Variants in CCDC73 observed in about 807,000 individuals in gnomAD.
The protein encoded by CCDC73 is coiled-coil domain containing 73, also known as coiled-coil domain-containing protein 73.
In CCDC73, 95 loss-of-function variants were observed where a neutral mutation model predicts 116.5. That is an observed-to-expected ratio of 0.82 (90% CI 0.69 to 0.97). CCDC73 has a LOEUF of 0.97. Among genes scored for constraint, CCDC73 ranks in the 50% least tolerant of loss-of-function variants. The pLI is 0.00. For missense variants in CCDC73, 1,066 were observed against 1,206.8 expected (o/e 0.88, Z 1.73); for synonymous variants, 398 against 401.3 (o/e 0.99, Z 0.10).
At chr11:32,676,862 T>A (rs1182409649) in intron 7 of CCDC73, among the ~76,000 whole-genome samples, 1 of 152,210 alleles carries the variant, frequency 6.6e-6, no homozygotes, top group Admixed American at 6.5e-5. Flanking sequence ...ATAGTCTACT[T>A]AAACTGGAGA....
At chr11:32,809,628 A>C in the CCDC73 span, among the ~76,000 whole-genome samples, 1 of 152,210 alleles carries the variant, frequency 6.6e-6, no homozygotes, top group African/African-American at 2.4e-5. Flanking sequence ...CAGACCCTGC[A>C]TCCCACAAGA....
intron 3 of CCDC73, among the ~76,000 whole-genome samples, chr11:32,707,042 T>C (rs1298126282): frequency 6.6e-6 from 1 of 152,146 alleles, no homozygotes; most frequent in African/African-American, 2.4e-5. Context: ...AAAAAAGTTT[T>C]ACTGATATTG....
chr11:32,710,072 A>G (rs1015883293), intron 3 of CCDC73, among the ~76,000 whole-genome samples: 2 of 151,974 alleles, frequency 1.3e-5, no homozygotes, highest in Non-Finnish European at 2.9e-5. Flanking sequence ...TTTCTAGTTG[A>G]GCTTATTTGG....
At chr11:32,823,926 G>A in the CCDC73 span, among the ~76,000 whole-genome samples, 3 of 151,974 alleles carry the variant, frequency 2.0e-5, no homozygotes, top group Non-Finnish European at 4.4e-5. Flanking sequence ...ACAGAGTCTC[G>A]TTCTGTTGCC....
At chr11:32,688,517 G>A (rs528522855) in intron 6 of CCDC73, among the ~76,000 whole-genome samples, 56 of 152,280 alleles carry the variant, frequency 3.7e-4, no homozygotes, top group Non-Finnish European at 6.9e-4. Context: ...GGGACAATTT[G>A]TGAAACTGAA....
chr11:32,699,124 A>C, intron 6 of CCDC73, 127 bp downstream of exon 6: 1 of 1,018,276 alleles, frequency 9.8e-7, no homozygotes, highest in East Asian at 4.6e-5. Context: ...AAAAGTATTA[A>C]ATTATGTAAT....
At chr11:32,733,419 C>T in intron 2 of CCDC73, among the ~76,000 whole-genome samples, 1 of 152,154 alleles carries the variant, frequency 6.6e-6, no homozygotes, top group Admixed American at 6.5e-5. Flanking sequence ...CCAAGTGGAC[C>T]TAAGAGACAT....
chr11:32,795,379 G>A (rs574525145), upstream of CCDC73, among the ~76,000 whole-genome samples: 37 of 151,636 alleles, frequency 2.4e-4, no homozygotes, highest in African/African-American at 8.7e-4. Context: ...GCTGAGGCAA[G>A]AGGATAGATT....
At chr11:32,628,576 A>G (rs1855598070) in intron 14 of CCDC73, among the ~76,000 whole-genome samples, 1 of 152,196 alleles carries the variant, frequency 6.6e-6, no homozygotes. Flanking sequence ...TAACTGGGAC[A>G]TTTTGTAGAG....
chr11:32,771,112 A>G (rs1850489550), intron 1 of CCDC73, among the ~76,000 whole-genome samples: 1 of 152,180 alleles, frequency 6.6e-6, no homozygotes, highest in African/African-American at 2.4e-5. Context: ...GAAACCACAG[A>G]AAGTTTTGTG....
chr11:32,642,179 A>G (rs1180455293), intron 12 of CCDC73, 97 bp from the exon 13 acceptor site: 1 of 1,280,208 alleles, frequency 7.8e-7, no homozygotes, highest in African/African-American at 1.5e-5. Context: ...AACATGCTGA[A>G]AGTGCCATAC....
the CCDC73 span, among the ~76,000 whole-genome samples, chr11:32,811,815 T>C: frequency 1.1e-4 from 17 of 152,002 alleles, 1 homozygote; most frequent in East Asian, 1.9e-3. Context: ...AACCCAAACA[T>C]CTCCCACTAG....
chr11:32,762,607 G>C (rs1166518915), intron 1 of CCDC73, among the ~76,000 whole-genome samples: 2 of 152,094 alleles, frequency 1.3e-5, no homozygotes, highest in Non-Finnish European at 2.9e-5. Context: ...GAAAAGAAAA[G>C]GGAGGGAGAG....
chr11:32,733,930 T>A (rs1850102326), intron 2 of CCDC73, among the ~76,000 whole-genome samples: 1 of 152,020 alleles, frequency 6.6e-6, no homozygotes, highest in African/African-American at 2.4e-5. Context: ...AGAGCAGAAC[T>A]GAAGTAGATA....
intron 13 of CCDC73, among the ~76,000 whole-genome samples, chr11:32,638,238 T>A (rs1855699898): frequency 6.6e-6 from 1 of 152,238 alleles, no homozygotes; most frequent in South Asian, 2.1e-4. Context: ...ACAGCCATCC[T>A]CCATACTGTT....
chr11:32,736,654 C>T (rs10767959), intron 2 of CCDC73, among the ~76,000 whole-genome samples: 88,892 of 150,994 alleles, frequency 0.59, 26,484 homozygotes, highest in East Asian at 0.84. Context: ...AGCCATCCCA[C>T]TACTGGGTAT....
upstream of CCDC73, among the ~76,000 whole-genome samples, chr11:32,796,331 G>C (rs1850727940): frequency 6.6e-6 from 1 of 152,302 alleles, no homozygotes; most frequent in Non-Finnish European, 1.5e-5. Context: ...AATGGACTAT[G>C]ACCTTTCAAT....
chr11:32,651,295 T>C (rs1173943277), intron 12 of CCDC73, among the ~76,000 whole-genome samples: 1 of 152,210 alleles, frequency 6.6e-6, no homozygotes, highest in East Asian at 1.9e-4. Context: ...CCAAGTCACC[T>C]GCCTAACACT....
chr11:32,791,719 G>A (rs1405166983), intron 1 of CCDC73, among the ~76,000 whole-genome samples: 6 of 152,128 alleles, frequency 3.9e-5, no homozygotes, highest in African/African-American at 1.4e-4. Flanking sequence ...TTGGGAGGCC[G>A]AGGCAGTGCA....
Sources: allele counts gnomAD v4.1 joint callset (sites outside exome capture counted in the v4.1 genomes callset), GRCh38; gene constraint gnomAD v4.1.1; transcripts MANE v1.5; gene names NCBI Gene and HGNC (gene_info 2026-07-23, HGNC 2026-07-21).